The following NDC80 variants were observed in gnomAD, a reference collection of about 807,000 sequenced individuals.
The protein encoded by NDC80 is kinetochore protein NDC80 homolog.
A neutral mutation model predicts 89.3 loss-of-function variants in NDC80; 69 were observed. That is an observed-to-expected ratio of 0.77 (90% CI 0.64 to 0.94). The LOEUF (loss-of-function observed/expected upper bound fraction) is 0.94. NDC80 is among the 40% of genes least tolerant of loss of function. The pLI is 0.00. For missense variants in NDC80, 593 were observed against 739.6 expected (o/e 0.80, Z 2.30); for synonymous variants, 243 against 255.6 (o/e 0.95, Z 0.47).
chr18:2,600,327 G>C (rs1482507368), intron 12 of NDC80, among the ~76,000 whole-genome samples: 11 of 152,068 alleles, frequency 7.2e-5, no homozygotes, highest in Non-Finnish European at 1.6e-4. Flanking sequence ...AGAGATTTGA[G>C]AGGCCGGGCA....
At chr18:2,610,931 T>C in intron 16 of NDC80, 70 bp downstream of exon 16, 1 of 937,684 alleles carries the variant, frequency 1.1e-6, no homozygotes, top group South Asian at 3.1e-5. Context: ...TCTGCTTTCT[T>C]CCATATAAAT....
Position 2,577,885 on chromosome 18 carries a change from A to G in NDC80, c.303+16A>G. The G allele has an allele frequency of 6.2e-7, 1 of 1,612,710 alleles. No homozygotes were observed. The highest frequency in any genetic ancestry group is 8.5e-7 in the Non-Finnish European group (1 of 1,179,244). On this transcript the variant is annotated intron_variant, in intron 4 of 16. Transcript: ENST00000261597. ...ACTCTGTGAGGTACTTTAGGATTTT[A>G]ATCTAAACTGTGATTGTTGTCATAG...
chr18:2,584,739 C>T (rs1189381489), intron 6 of NDC80, among the ~76,000 whole-genome samples: 2 of 152,090 alleles, frequency 1.3e-5, no homozygotes. Context: ...TTTTATGTGG[C>T]AATTCTGTTT....
At chr18:2,607,941 G>A (rs1484720914) in intron 14 of NDC80, among the ~76,000 whole-genome samples, 1 of 121,238 alleles carries the variant, frequency 8.2e-6, no homozygotes, top group African/African-American at 3.2e-5. Context: ...CTTCTATTGT[G>A]TTTTTATTTT....
chr18:2,614,962 G>A (rs2072777488), intron 16 of NDC80: 2 of 152,240 alleles, frequency 1.3e-5, no homozygotes, highest in African/African-American at 4.8e-5. Flanking sequence ...AGAGGCGGAT[G>A]CTGGGGTGAA....
chr18:2,589,316 TA>T lies in NDC80; in HGVS notation c.870+9del. The T allele has an allele frequency of 1.3e-6, 2 of 1,589,950 alleles. No homozygotes were observed. The highest frequency in any genetic ancestry group is 1.7e-6 in the Non-Finnish European group (2 of 1,158,296). ...AAGAAAGAGAAAAAGAACCGGTTAG[TA>T]AACATGTTTACACACTTACTTGAGA... On this transcript the variant is annotated splice_region_variant and intron_variant, in intron 9 of 16. Coordinates refer to ENST00000261597, the MANE Select transcript of NDC80 (RefSeq NM_006101.3).
chr18:2,604,557 C>T (rs879847603), intron 13 of NDC80, among the ~76,000 whole-genome samples: 24 of 152,204 alleles, frequency 1.6e-4, no homozygotes, highest in African/African-American at 5.5e-4. Context: ...TGGCATGCAC[C>T]TGTAGTCCCA....
intron 3 of NDC80, 111 bp downstream of exon 3, chr18:2,575,177 A>C (rs1411702184): frequency 1.0e-5 from 8 of 790,908 alleles, no homozygotes; most frequent in Non-Finnish European, 2.0e-6. Flanking sequence ...GAAAAGTTAT[A>C]ATCTAGTTTT....
rs575012944 is a variant in NDC80 at position 2,596,282 on chromosome 18, A to C, written c.1221+661A>C. ...AATTTTCGCAACCTACTCATCTGAC[A>C]AAGGGCTAATATCCAGAATCTACAA... On this transcript the variant is annotated intron_variant, in intron 11 of 16. Transcript: ENST00000261597. Among the ~76,000 whole-genome samples the C allele has an allele frequency of 7.9e-5, 12 of 152,280 alleles. No homozygotes were observed. In the South Asian group the frequency reaches 1.2e-3, roughly 16 times the overall value.
At chr18:2,580,760 T>TTTTTTTTTTTTA (rs2072573486) in intron 6 of NDC80, among the ~76,000 whole-genome samples, 1 of 128,432 alleles carries the variant, frequency 7.8e-6, no homozygotes. Context: ...TTTTTTTTTT[T>TTTTTTTTTTTTA]GAGACGAGTC....
chr18:2,599,170 A>T lies in NDC80; in HGVS notation c.1373A>T (p.Tyr458Phe), dbSNP rs1431145381. The T allele has an allele frequency of 6.2e-7, 1 of 1,601,090 alleles. No homozygotes were observed. The highest frequency in any genetic ancestry group is 1.3e-5 in the African/African-American group (1 of 74,254). Residue 458 changes from tyrosine (Y) to phenylalanine (F), a missense_variant and splice_region_variant, in exon 12 of 17, where the codon TAT (tyrosine) becomes TTT (phenylalanine). Tyr to Phe is a conservative substitution (Grantham distance 22). Transcript: ENST00000261597. ...CTTGTCAAATACAGGGCTCAAGTTTATGTAAGTAATCATGACTACTTTTAA... is the reference window on the plus strand; with the variant it reads ...CTTGTCAAATACAGGGCTCAAGTTTTTGTAAGTAATCATGACTACTTTTAA... ...NCLVKYRAQV[Y>F]VPLKELLNET...
chr18:2,582,679 A>G (rs1254541209), intron 6 of NDC80: 1 of 152,226 alleles, frequency 6.6e-6, no homozygotes, highest in Non-Finnish European at 1.5e-5. Flanking sequence ...TGATCTTTGA[A>G]GGTTATCCTA....
At chr18:2,614,041 G>C (rs1023282358) in intron 16 of NDC80, among the ~76,000 whole-genome samples, 1 of 152,138 alleles carries the variant, frequency 6.6e-6, no homozygotes, top group Non-Finnish European at 1.5e-5. Flanking sequence ...TAAGAAATTG[G>C]CAAAAATTTA....
chr18:2,583,133 T>A (rs867196536), intron 6 of NDC80, among the ~76,000 whole-genome samples: 1 of 152,192 alleles, frequency 6.6e-6, no homozygotes, highest in African/African-American at 2.4e-5. Context: ...AAAACATGAT[T>A]CAAATCTATA....
rs1322157453 is a variant in NDC80 at position 2,595,345 on chromosome 18, A to G, written c.1016-71A>G. 4.9e-6 allele frequency: 5 copies of G among 1,015,998 alleles called. No homozygotes were observed. The East Asian group carries it at 1.3e-4, about 26-fold the overall frequency. The allele number at this position is 1,015,998 out of a possible 1,614,324, so 62.9% of individuals were successfully genotyped here. ...TTGGAAATTTAGATATCTTAGCTCT[A>G]TTACATGATGGCATCTGTTTCTTTG... On this transcript the variant is annotated intron_variant, in intron 10 of 16. Transcript: ENST00000261597.
intron 11 of NDC80, 116 bp from the exon 12 acceptor site, chr18:2,598,903 A>T: frequency 9.9e-7 from 1 of 1,009,256 alleles, no homozygotes; most frequent in Non-Finnish European, 1.4e-6. Flanking sequence ...TTACTGAATT[A>T]GTAAACTACT....
intron 6 of NDC80, among the ~76,000 whole-genome samples, chr18:2,580,250 A>G (rs1414279194): frequency 6.6e-6 from 1 of 151,778 alleles, no homozygotes; most frequent in East Asian, 1.9e-4. Flanking sequence ...GTTGATTTGC[A>G]AGGGTGCCAT....
At chr18:2,588,937 A>G (rs2072614247) in intron 8 of NDC80, among the ~76,000 whole-genome samples, 1 of 152,162 alleles carries the variant, frequency 6.6e-6, no homozygotes, top group African/African-American at 2.4e-5. Flanking sequence ...ACATTTTAGT[A>G]GACAGAAAGA....
intron 14 of NDC80, among the ~76,000 whole-genome samples, chr18:2,607,650 T>G (rs2072719144): frequency 6.6e-6 from 1 of 151,984 alleles, no homozygotes; most frequent in East Asian, 1.9e-4. Flanking sequence ...AAGTGACTTT[T>G]TAATTTTTTA....
Sources: gnomAD v4.1 joint callset for allele counts (sites outside exome capture counted in the v4.1 genomes callset) on GRCh38, gnomAD v4.1.1 for gene constraint, MANE v1.5 for transcripts, NCBI Gene and HGNC (gene_info 2026-07-23, HGNC 2026-07-21) for gene names.